MB21D2: variants seen among roughly 807,000 people sequenced by gnomAD.
The protein encoded by MB21D2 is nucleotidyltransferase MB21D2.
MB21D2 carries 9 observed loss-of-function variants against 33.3 expected under a neutral mutation model. That is an observed-to-expected ratio of 0.27 (90% CI 0.16 to 0.47). The LOEUF is 0.47. MB21D2 is among the 20% of genes least tolerant of loss of function. MB21D2 has a pLI of 0.99. For synonymous variants in MB21D2, 241 were observed against 236.3 expected, an observed-to-expected ratio of 1.02 and a Z score of -0.18; for missense variants, 540 against 624.6, an observed-to-expected ratio of 0.86 and a Z score of 1.44.
chr3:192,842,436 G>C (rs1403024324), intron 1 of MB21D2, among the ~76,000 whole-genome samples: 9 of 152,174 alleles, frequency 5.9e-5, no homozygotes, highest in Admixed American at 5.2e-4. Flanking sequence ...GGTATACAAT[G>C]CATTGCACCA....
chr3:192,817,132 CTGTT>C (rs1439437825), intron 1 of MB21D2, among the ~76,000 whole-genome samples: 1 of 152,196 alleles, frequency 6.6e-6, no homozygotes, highest in East Asian at 1.9e-4. Flanking sequence ...ACTTCCCTCC[CTGTT>C]TTTCTTTTAA....
chr3:192,881,217 T>C lies in MB21D2; in HGVS notation c.211+36413A>G, dbSNP rs370018763. Among the ~76,000 whole-genome samples, 284 of 152,214 alleles carry C rather than the reference T, an allele frequency of 1.9e-3. 4 individuals carry two copies. Among genetic ancestry groups the C allele is most frequent in the African/African-American group, 6.6e-3 (274 of 41,474 alleles). ...AAACAAAAGCATCCTTTATCCCCTC[T>C]GGAGGACTTCTATATCCCACCCATG... On this transcript the variant is annotated intron_variant, in intron 1 of 1. Transcript: ENST00000392452.
chr3:192,884,574 A>C (rs188778688), intron 1 of MB21D2, among the ~76,000 whole-genome samples: 3 of 151,972 alleles, frequency 2.0e-5, no homozygotes, highest in Non-Finnish European at 4.4e-5. Flanking sequence ...TCACCGTGTT[A>C]GCCAGGATGG....
At chr3:192,892,476 G>A (rs913101871) in intron 1 of MB21D2, among the ~76,000 whole-genome samples, 4 of 152,198 alleles carry the variant, frequency 2.6e-5, no homozygotes, top group African/African-American at 4.8e-5. Flanking sequence ...TTGGGATAGA[G>A]TTTCGCTGTT....
intron 1 of MB21D2, among the ~76,000 whole-genome samples, chr3:192,843,720 G>T (rs1378001689): frequency 6.6e-6 from 1 of 152,098 alleles, no homozygotes; most frequent in Non-Finnish European, 1.5e-5. Context: ...TTACCACTTA[G>T]CCATGTAACC....
At position 192,808,644 on chromosome 3, in the gene MB21D2, C is replaced by T. The variant is rs1711716738; in HGVS notation, c.212-8994G>A. On this transcript the variant is annotated intron_variant, in intron 1 of 1. Transcript: ENST00000392452. ...ATGGAGTCTCAGTATAGATGTCTTCCGAGGTGGCTGCCCATCCCAAGAACC... is the reference window on the plus strand; with the variant it reads ...ATGGAGTCTCAGTATAGATGTCTTCTGAGGTGGCTGCCCATCCCAAGAACC... Among the ~76,000 whole-genome samples, 3 of 152,162 alleles carry T rather than the reference C, an allele frequency of 2.0e-5. No homozygotes were observed. In the South Asian group the frequency reaches 6.2e-4, roughly 31 times the overall value.
intron 1 of MB21D2, among the ~76,000 whole-genome samples, chr3:192,913,876 G>A (rs1438378569): frequency 1.3e-5 from 2 of 151,986 alleles, no homozygotes; most frequent in African/African-American, 2.4e-5. Context: ...CCAACAAGAG[G>A]CAGACTGGGA....
At position 192,829,377 on chromosome 3, in the gene MB21D2, C is replaced by T. The variant is rs145561880; in HGVS notation, c.212-29727G>A. 6.2e-3 allele frequency among the ~76,000 whole-genome samples: 940 copies of T among 152,262 alleles called. 11 individuals carry two copies. Among genetic ancestry groups the T allele is most frequent in the African/African-American group, 0.021 (866 of 41,542 alleles). ...AGAAATAAATTCCATTTCTCTCAGA[C>T]GAATACCTGGAAGTGCGATCGCCGT... On this transcript the variant is annotated intron_variant, in intron 1 of 1. Coordinates refer to ENST00000392452, the MANE Select transcript of MB21D2 (RefSeq NM_178496.4).
chr3:192,839,290 C>T (rs997937612), intron 1 of MB21D2, among the ~76,000 whole-genome samples: 9 of 152,186 alleles, frequency 5.9e-5, no homozygotes, highest in African/African-American at 2.2e-4. Flanking sequence ...TCTGGATTTA[C>T]GTACCTTCCT....
rs1386676329 is a variant in MB21D2 at position 192,797,360 on chromosome 3, C to T, written c.*1026G>A. On this transcript the variant is annotated 3_prime_UTR_variant, in exon 2 of 2. Transcript: ENST00000392452. ...ACCCCAAAAGAAATAAATACAAAGA[C>T]ACCTACTTCATCAAGTGTATATTTT... is the stretch of plus-strand genomic sequence containing the variant. 1 of 152,568 alleles carries T rather than the reference C, an allele frequency of 6.6e-6. No homozygotes were observed. The highest frequency in any genetic ancestry group is 1.9e-4 in the East Asian group (1 of 5,194). 9.5% of individuals were successfully genotyped at this position (152,568 alleles called of 1,614,324 possible). A position where few individuals can be genotyped will look rare whatever the true frequency, so the allele number is the denominator to read the frequency against.
chr3:192,841,880 TAAG>T (rs1712579958), intron 1 of MB21D2, among the ~76,000 whole-genome samples: 1 of 152,152 alleles, frequency 6.6e-6, no homozygotes, highest in African/African-American at 2.4e-5. Flanking sequence ...GATGAGTTTG[TAAG>T]AAGTGGTAGA....
At chr3:192,874,613 G>A (rs1401576372) in intron 1 of MB21D2, among the ~76,000 whole-genome samples, 1 of 152,172 alleles carries the variant, frequency 6.6e-6, no homozygotes, top group East Asian at 1.9e-4. Flanking sequence ...TGGACTGTCT[G>A]TGCTGGATAT....
chr3:192,912,219 G>A (rs1005414295), intron 1 of MB21D2, among the ~76,000 whole-genome samples: 36 of 152,332 alleles, frequency 2.4e-4, no homozygotes, highest in African/African-American at 8.2e-4. Flanking sequence ...AGGGGTCCCT[G>A]AAGGCCCTTA....
intron 1 of MB21D2, among the ~76,000 whole-genome samples, chr3:192,843,066 C>A (rs1712608415): frequency 6.6e-6 from 1 of 152,148 alleles, no homozygotes; most frequent in Non-Finnish European, 1.5e-5. Context: ...GGTCTTTTAG[C>A]CTACACTCAT....
intron 1 of MB21D2, among the ~76,000 whole-genome samples, chr3:192,880,274 G>A (rs1713531514): frequency 1.3e-5 from 2 of 151,644 alleles, no homozygotes; most frequent in African/African-American, 2.4e-5. Context: ...TTGAACCCAG[G>A]AGACGGAGGT....
intron 1 of MB21D2, among the ~76,000 whole-genome samples, chr3:192,875,205 T>C (rs1387143173): frequency 2.0e-5 from 3 of 152,188 alleles, no homozygotes; most frequent in South Asian, 2.1e-4. Flanking sequence ...TTATTACTTA[T>C]GTAATGTGTT....
chr3:192,899,393 G>C (rs1244192738), intron 1 of MB21D2, among the ~76,000 whole-genome samples: 1 of 152,168 alleles, frequency 6.6e-6, no homozygotes, highest in Non-Finnish European at 1.5e-5. Flanking sequence ...GCCAGGCATG[G>C]TGGCGGACGC....
At chr3:192,912,839 T>C (rs1008144310) in intron 1 of MB21D2, among the ~76,000 whole-genome samples, 2 of 152,238 alleles carry the variant, frequency 1.3e-5, no homozygotes, top group Non-Finnish European at 2.9e-5. Context: ...TCTCCAACTC[T>C]GAATGATCTT....
chr3:192,808,998 A>C (rs996174482), intron 1 of MB21D2, among the ~76,000 whole-genome samples: 9 of 152,042 alleles, frequency 5.9e-5, no homozygotes, highest in African/African-American at 2.2e-4. Context: ...AGAAGGGCAC[A>C]AACATTCATG....
Sources: gnomAD v4.1 joint callset for allele counts (sites outside exome capture counted in the v4.1 genomes callset) on GRCh38, gnomAD v4.1.1 for gene constraint, MANE v1.5 for transcripts, NCBI Gene and HGNC (gene_info 2026-07-23, HGNC 2026-07-21) for gene names.